The following PDE1A variants were observed in gnomAD, a reference collection of about 807,000 sequenced individuals.
PDE1A encodes the protein phosphodiesterase 1A.
In PDE1A, 35 loss-of-function variants were observed where a neutral mutation model predicts 61.7. The observed-to-expected ratio is 0.57, with a 90% CI of 0.43 to 0.75. PDE1A has a LOEUF of 0.75. Ranked by LOEUF, PDE1A falls within the 30% of genes least tolerant of loss-of-function variation. The pLI, the probability that PDE1A is intolerant of heterozygous loss-of-function variation, is 0.00. For missense variants in PDE1A, 597 were observed against 630.6 expected, an observed-to-expected ratio of 0.95 and a Z score of 0.57; for synonymous variants, 232 against 213.2, an observed-to-expected ratio of 1.09 and a Z score of -0.77.
chr2:182,381,127 C>T (rs564714293), intron 1 of PDE1A, among the ~76,000 whole-genome samples: 22 of 151,574 alleles, frequency 1.5e-4, no homozygotes, highest in Non-Finnish European at 2.9e-4. Context: ...TATATGGTTA[C>T]TCTGATATGA....
chr2:182,451,207 T>C lies in PDE1A; in HGVS notation c.101+71069A>G, dbSNP rs895526046. 7.4e-4 allele frequency among the ~76,000 whole-genome samples: 53 copies of C among 71,888 alleles called. 21 individuals carry two copies. The highest frequency in any genetic ancestry group is 1.4e-3 in the Admixed American group (10 of 7,204). The allele number at this position is 71,888 out of a possible 152,430, so 47.2% of individuals were successfully genotyped here. ...TCCCGGCTAACACGGTGAAACCCTGTCTCTACTAAAAATACAAAAAAATTA... is the reference window on the plus strand; with the variant it reads ...TCCCGGCTAACACGGTGAAACCCTGCCTCTACTAAAAATACAAAAAAATTA... On this transcript the variant is annotated intron_variant, in intron 2 of 14. Transcript: ENST00000410103.
the PDE1A span, among the ~76,000 whole-genome samples, chr2:182,714,015 T>C: frequency 1.3e-5 from 2 of 152,236 alleles, no homozygotes; most frequent in South Asian, 2.1e-4. Flanking sequence ...CAGTATCTTA[T>C]CTGACTCACT....
intron 1 of PDE1A, among the ~76,000 whole-genome samples, chr2:182,323,521 T>C (rs1329651213): frequency 6.6e-6 from 1 of 152,070 alleles, no homozygotes; most frequent in East Asian, 1.9e-4. Context: ...TTAAGAAACA[T>C]CTCTACCCCT....
Position 182,481,878 on chromosome 2 carries a change from G to C in PDE1A, c.101+40398C>G, listed in dbSNP as rs566749529. ...TAAGAGGCATCTACTAGTTGGATAA[G>C]AGCATTGACTTTAGAATCAGGTGAA... On this transcript the variant is annotated intron_variant, in intron 2 of 14. Coordinates refer to the PDE1A transcript ENST00000410103. Among the ~76,000 whole-genome samples the C allele has an allele frequency of 2.6e-5, 4 of 152,024 alleles. No homozygotes were observed. The East Asian group carries it at 7.8e-4, about 30-fold the overall frequency.
At chr2:182,574,634 C>T in the PDE1A span, among the ~76,000 whole-genome samples, 1 of 152,102 alleles carries the variant, frequency 6.6e-6, no homozygotes, top group African/African-American at 2.4e-5. Flanking sequence ...CATGCACAAA[C>T]ATGTTTTTAA....
chr2:182,697,564 C>G, the PDE1A span, among the ~76,000 whole-genome samples: 2 of 152,188 alleles, frequency 1.3e-5, no homozygotes, highest in African/African-American at 4.8e-5. Flanking sequence ...GACCAGAAGG[C>G]AAAACACCAC....
At chr2:182,709,378 A>T in the PDE1A span, among the ~76,000 whole-genome samples, 1 of 152,194 alleles carries the variant, frequency 6.6e-6, no homozygotes, top group African/African-American at 2.4e-5. Flanking sequence ...TTTTTTGTAC[A>T]TAATAAACAT....
chr2:182,452,168 G>T (rs4572561), intron 2 of PDE1A, among the ~76,000 whole-genome samples: 38,782 of 151,848 alleles, frequency 0.26, 5,298 homozygotes, highest in Middle Eastern at 0.37. Flanking sequence ...TCTTCTGTAC[G>T]TAAGAACTCA....
intron 13 of PDE1A, among the ~76,000 whole-genome samples, chr2:182,175,141 T>C (rs1039453007): frequency 1.3e-5 from 2 of 152,212 alleles, no homozygotes; most frequent in African/African-American, 4.8e-5. Flanking sequence ...ATCCAGTCTA[T>C]CATTGATGAG....
At chr2:182,653,390 A>C in the PDE1A span, among the ~76,000 whole-genome samples, 4 of 152,066 alleles carry the variant, frequency 2.6e-5, no homozygotes, top group Non-Finnish European at 5.9e-5. Context: ...ATCACTCCAT[A>C]ATTTTAATCA....
chr2:182,517,801 T>C (rs1466733338), intron 2 of PDE1A, among the ~76,000 whole-genome samples: 1 of 152,142 alleles, frequency 6.6e-6, no homozygotes, highest in Non-Finnish European at 1.5e-5. Flanking sequence ...ACATTTAGCC[T>C]ACCCGGACCC....
the PDE1A span, among the ~76,000 whole-genome samples, chr2:182,682,898 G>A: frequency 6.6e-6 from 1 of 151,862 alleles, no homozygotes; most frequent in Non-Finnish European, 1.5e-5. Context: ...TCTGAGGACT[G>A]TGTGTGTGTA....
intron 2 of PDE1A, among the ~76,000 whole-genome samples, chr2:182,514,063 C>T (rs1204107185): frequency 3.3e-5 from 5 of 152,052 alleles, no homozygotes; most frequent in African/African-American, 4.8e-5. Context: ...AAATCAGGGA[C>T]GCAATCCCAT....
chr2:182,409,025 G>C (rs940834274), intron 1 of PDE1A, among the ~76,000 whole-genome samples: 2 of 152,118 alleles, frequency 1.3e-5, no homozygotes, highest in African/African-American at 4.8e-5. Flanking sequence ...GTAGCTCCTT[G>C]GGCTCCAGCT....
chr2:182,457,140 T>C (rs1425506790), intron 2 of PDE1A, among the ~76,000 whole-genome samples: 2 of 152,074 alleles, frequency 1.3e-5, no homozygotes, highest in Admixed American at 1.3e-4. Flanking sequence ...GTGCTCCATC[T>C]CAAGAAACAA....
rs201821721 is a variant in PDE1A at position 182,364,466 on chromosome 2, T to TAAAAAAAAAAAAAAAAAAAAAAAAAAAA, written c.53+62084_53+62111dup. Among the ~76,000 whole-genome samples the TAAAAAAAAAAAAAAAAAAAAAAAAAAAA allele has an allele frequency of 1.1e-4, 4 of 35,842 alleles. 1 individual carries two copies. The highest frequency in any genetic ancestry group is 1.5e-4 in the Non-Finnish European group (3 of 19,556). 23.5% of individuals were successfully genotyped at this position (35,842 alleles called of 152,430 possible). ...CTCAGACTATATTAGAACACTTTGG[T>TAAAAAAAAAAAAAAAAAAAAAAAAAAAA]AAAAAAAAAAAAAAAAAAAAAAAAA... On this transcript the variant is annotated intron_variant, in intron 1 of 13. Coordinates refer to ENST00000351439, the Ensembl canonical transcript of PDE1A.
At chr2:182,698,664 T>G in the PDE1A span, among the ~76,000 whole-genome samples, 5 of 152,230 alleles carry the variant, frequency 3.3e-5, no homozygotes, top group Non-Finnish European at 7.3e-5. Context: ...CTCATAGTAA[T>G]TATATTAGCG....
downstream of PDE1A, among the ~76,000 whole-genome samples, chr2:182,165,895 T>C (rs1475043103): frequency 1.3e-5 from 2 of 152,202 alleles, no homozygotes; most frequent in Non-Finnish European, 2.9e-5. Context: ...TGACTTAATA[T>C]CAGCATTTGA....
intron 1 of PDE1A, among the ~76,000 whole-genome samples, chr2:182,411,557 T>C (rs28715871): frequency 0.054 from 8,237 of 152,176 alleles, 748 homozygotes; most frequent in African/African-American, 0.19. Flanking sequence ...CTTTAGTAGA[T>C]ACTACAAACA....
Sources: gnomAD v4.1 joint callset for allele counts (sites outside exome capture counted in the v4.1 genomes callset) on GRCh38, gnomAD v4.1.1 for gene constraint, MANE v1.5 for transcripts, NCBI Gene and HGNC (gene_info 2026-07-23, HGNC 2026-07-21) for gene names.